TSG101: variants seen among roughly 807,000 people sequenced by gnomAD.
TSG101 encodes tumor susceptibility 101.
In TSG101, 19 loss-of-function variants were observed where a neutral mutation model predicts 48.5. The observed-to-expected ratio is 0.39, with a 90% CI of 0.27 to 0.58. TSG101 has a LOEUF of 0.58. TSG101 is among the 20% of genes least tolerant of loss of function. The pLI is 0.55. For synonymous variants in TSG101, 174 were observed against 169.4 expected (o/e 1.03, Z -0.21); for missense variants, 365 against 484.4 (o/e 0.75, Z 2.31).
chr11:18,506,257 CT>C (rs1348346542), intron 6 of TSG101, among the ~76,000 whole-genome samples: 2 of 151,208 alleles, frequency 1.3e-5, no homozygotes, highest in Admixed American at 1.3e-4. Context: ...TGACAGTGAT[CT>C]CAATTGGTTT....
At position 18,483,855 on chromosome 11, in the gene TSG101, T is replaced by C; in HGVS notation, c.843+15A>G. The C allele has an allele frequency of 6.2e-7, 1 of 1,613,590 alleles. No homozygotes were observed. Among genetic ancestry groups the C allele is most frequent in the Non-Finnish European group, 8.5e-7 (1 of 1,179,934 alleles). ...ATTCAATCCAAAAATTTTAAGTCTTTAATGAGTCACTTACTACTTCTTGAT... is the reference window on the plus strand; with the variant it reads ...ATTCAATCCAAAAATTTTAAGTCTTCAATGAGTCACTTACTACTTCTTGAT... On this transcript the variant is annotated intron_variant, in intron 8 of 9. Coordinates refer to ENST00000251968, the MANE Select transcript of TSG101 (RefSeq NM_006292.4).
intron 1 of TSG101, among the ~76,000 whole-genome samples, chr11:18,520,188 G>T (rs938707660): frequency 3.9e-5 from 6 of 152,088 alleles, no homozygotes; most frequent in Non-Finnish European, 8.8e-5. Flanking sequence ...GCATGTTTTT[G>T]AGATTATCCA....
At chr11:18,490,714 C>T (rs1849686178) in intron 7 of TSG101, 1 of 455,874 alleles carries the variant, frequency 2.2e-6, no homozygotes, top group Non-Finnish European at 4.3e-6. Flanking sequence ...TCTTCTCATG[C>T]TACTCTCTCC....
chr11:18,499,534 T>C (rs1228005934), intron 7 of TSG101, among the ~76,000 whole-genome samples: 1 of 145,276 alleles, frequency 6.9e-6, no homozygotes, highest in Non-Finnish European at 1.5e-5. Flanking sequence ...CCTCAGCTTC[T>C]TGAGTAGCTA....
chr11:18,487,262 TA>T (rs112480739), intron 7 of TSG101, among the ~76,000 whole-genome samples: 26,007 of 137,656 alleles, frequency 0.19, 2,686 homozygotes, highest in East Asian at 0.43. Context: ...TAAAGTATAA[TA>T]AAAAAAAAAA....
chr11:18,516,494 G>A (rs904001382), intron 2 of TSG101, among the ~76,000 whole-genome samples: 3 of 151,734 alleles, frequency 2.0e-5, no homozygotes, highest in African/African-American at 4.8e-5. Flanking sequence ...ACAGGCACGT[G>A]CCACCACACC....
At chr11:18,502,622 C>T (rs944811352) in intron 6 of TSG101, 45 bp from the exon 7 acceptor site, 8 of 1,465,760 alleles carry the variant, frequency 5.5e-6, no homozygotes, top group Non-Finnish European at 7.5e-6. Flanking sequence ...GATGACCCAA[C>T]CTTATAGTAT....
intron 1 of TSG101, among the ~76,000 whole-genome samples, chr11:18,526,027 AAACAT>A (rs1289360173): frequency 3.9e-5 from 6 of 152,338 alleles, no homozygotes; most frequent in Non-Finnish European, 2.9e-5. Context: ...AATTACAACA[AAACAT>A]AACAAAAGCC....
At chr11:18,484,181 T>G in intron 7 of TSG101, 109 bp from the exon 8 acceptor site, 1 of 1,080,352 alleles carries the variant, frequency 9.3e-7, no homozygotes, top group Non-Finnish European at 1.3e-6. Flanking sequence ...TTTCAAAATG[T>G]GAGGAAAGAA....
Position 18,526,931 on chromosome 11 carries a change from C to G in TSG101, c.-115G>C, listed in dbSNP as rs1374771132. On this transcript the variant is annotated 5_prime_UTR_variant, in exon 1 of 10. Transcript: ENST00000251968. ...AACCCGGCCTCAAACAACAGGAAGTCGGCACCACTACACCACTTCCGCTTC... is the reference window on the plus strand; with the variant it reads ...AACCCGGCCTCAAACAACAGGAAGTGGGCACCACTACACCACTTCCGCTTC... 8 of 1,151,378 alleles carry G rather than the reference C, an allele frequency of 6.9e-6. No individual in the cohort carries two copies. In the Admixed American group the frequency reaches 1.3e-4, roughly 19 times the overall value. 71.3% of individuals were successfully genotyped at this position (1,151,378 alleles called of 1,614,324 possible).
intron 6 of TSG101, among the ~76,000 whole-genome samples, chr11:18,503,585 G>C (rs1212702752): frequency 6.6e-6 from 1 of 151,928 alleles, no homozygotes; most frequent in Admixed American, 6.6e-5. Flanking sequence ...TGTTAGCCAG[G>C]ATGGTCTCAA....
chr11:18,505,515 A>G (rs1171123444), intron 6 of TSG101, among the ~76,000 whole-genome samples: 1 of 152,070 alleles, frequency 6.6e-6, no homozygotes, highest in Non-Finnish European at 1.5e-5. Context: ...GGCCTCCCAA[A>G]GTGCTGGGTG....
intron 7 of TSG101, among the ~76,000 whole-genome samples, chr11:18,499,381 A>ATATATATATATATATATATATATAT (rs1849846619): frequency 8.1e-5 from 1 of 12,292 alleles, no homozygotes; most frequent in African/African-American, 2.6e-4. Flanking sequence ...TTTATATTTA[A>ATATATATATATATATATATATATAT]ATATATATAT....
chr11:18,480,750 AC>A (rs1282689078), intron 9 of TSG101, 115 bp from the exon 10 acceptor site: 4 of 869,742 alleles, frequency 4.6e-6, no homozygotes, highest in African/African-American at 1.7e-5. Flanking sequence ...TGACCTGCCA[AC>A]CTTTGGAATG....
chr11:18,505,728 A>G (rs1257516478), intron 6 of TSG101, among the ~76,000 whole-genome samples: 1 of 152,222 alleles, frequency 6.6e-6, no homozygotes, highest in Non-Finnish European at 1.5e-5. Context: ...CAGGTAGTCT[A>G]TGAACTGAAT....
chr11:18,488,644 CTCAAG>C (rs138407352), intron 7 of TSG101, among the ~76,000 whole-genome samples: 2,531 of 152,274 alleles, frequency 0.017, 55 homozygotes, highest in African/African-American at 0.057. Flanking sequence ...AGAAGTTCTT[CTCAAG>C]TCTTTAAAGC....
chr11:18,525,322 G>T (rs1850351256), intron 1 of TSG101, among the ~76,000 whole-genome samples: 1 of 151,974 alleles, frequency 6.6e-6, no homozygotes, highest in South Asian at 2.1e-4. Context: ...CAAAGCGGTG[G>T]ATCACTGAGG....
intron 2 of TSG101, 23 bp downstream of exon 2, chr11:18,519,496 C>T (rs765046110): frequency 5.2e-6 from 8 of 1,532,986 alleles, no homozygotes; most frequent in East Asian, 4.5e-5. Context: ...ATAGAAATTG[C>T]TATTTTTACT....
intron 4 of TSG101, among the ~76,000 whole-genome samples, chr11:18,512,806 C>T (rs1216355167): frequency 6.6e-6 from 1 of 150,416 alleles, no homozygotes; most frequent in Admixed American, 6.7e-5. Flanking sequence ...CGGCTCACTG[C>T]AACCTCCGCC....
Sources: gnomAD v4.1 joint callset for allele counts (sites outside exome capture counted in the v4.1 genomes callset) on GRCh38, gnomAD v4.1.1 for gene constraint, MANE v1.5 for transcripts, NCBI Gene and HGNC (gene_info 2026-07-23, HGNC 2026-07-21) for gene names.